Variants in CARD8 observed in about 807,000 individuals in gnomAD.
CARD8 encodes caspase recruitment domain family member 8.
A neutral mutation model predicts 53.2 loss-of-function variants in CARD8; 38 were observed. The ratio of observed to expected loss-of-function variants is 0.71; its 90% CI spans 0.55 to 0.94. The LOEUF (loss-of-function observed/expected upper bound fraction) is 0.94. CARD8 is among the 40% of genes least tolerant of loss of function. The pLI, the probability that CARD8 is intolerant of heterozygous loss-of-function variation, is 0.00. For synonymous variants in CARD8, 245 were observed against 244.9 expected (o/e 1.00, Z 0.00); for missense variants, 561 against 655.5 (o/e 0.86, Z 1.57).
At chr19:48,253,481 A>G (rs1448517761) in intron 1 of CARD8, among the ~76,000 whole-genome samples, 1 of 152,128 alleles carries the variant, frequency 6.6e-6, no homozygotes, top group East Asian at 1.9e-4. Flanking sequence ...TACCATATAC[A>G]TGGTTATTAA....
In CARD8 at chr19:48,238,530, T is replaced by G; in HGVS notation, c.62A>C (p.Asp21Ala). The change falls in exon 5 of 14, where the codon GAC (aspartate) becomes GCC (alanine). Residue 21 changes from aspartate to alanine, a missense_variant and splice_region_variant. Asp to Ala is a moderately radical substitution (Grantham distance 126). Transcript: ENST00000651546. ...SSSEEELPRR[D>A]SGSSRNIDAS... ...ATCTATGTTCCTACTGGATCCACTG[T>G]CCCTGGGAAAACACAAATGGAATTG... 1 of 1,536,204 alleles carries G rather than the reference T, an allele frequency of 6.5e-7. No homozygotes were observed. Among genetic ancestry groups the G allele is most frequent in the Non-Finnish European group, 8.7e-7 (1 of 1,146,890 alleles).
intron 12 of CARD8, among the ~76,000 whole-genome samples, chr19:48,217,303 GC>G (rs935813670): frequency 6.6e-6 from 1 of 152,088 alleles, no homozygotes. Context: ...TGACAATATT[GC>G]CCCAAACTAC....
intron 12 of CARD8, among the ~76,000 whole-genome samples, chr19:48,217,438 T>C (rs995605453): frequency 2.0e-5 from 3 of 152,242 alleles, no homozygotes; most frequent in African/African-American, 7.2e-5. Flanking sequence ...GTTTCATTTT[T>C]TTCCCACCAC....
At position 48,213,757 on chromosome 19, in the gene CARD8, C is replaced by G. The variant is rs376242349; in HGVS notation, c.1348+1583G>C. Among the ~76,000 whole-genome samples, 3 of 152,166 alleles carry G rather than the reference C, an allele frequency of 2.0e-5. No homozygotes were observed. In the South Asian group the frequency reaches 6.2e-4, roughly 32 times the overall value. ...TCCTTAACAGATCCTTGGCTGATAT[C>G]TGCTCTTCACTTTTACAACAGCCCC... On this transcript the variant is annotated intron_variant, in intron 13 of 13. Transcript: ENST00000651546.
At chr19:48,240,240 C>T (rs562415444) in intron 4 of CARD8, among the ~76,000 whole-genome samples, 1 of 152,298 alleles carries the variant, frequency 6.6e-6, no homozygotes, top group South Asian at 2.1e-4. Context: ...GCCACTGAAA[C>T]ACACAGAGGG....
rs868652263 is a variant in CARD8 at position 48,233,454 on chromosome 19, G to T, written c.350+949C>A. 33 of 455,536 alleles carry T rather than the reference G, an allele frequency of 7.2e-5. 1 individual carries two copies. In the Middle Eastern group the frequency reaches 0.01, roughly 139 times the overall value. The allele number at this position is 455,536 out of a possible 1,614,324, so 28.2% of individuals were successfully genotyped here. A position where few individuals can be genotyped will look rare whatever the true frequency, so the allele number is the denominator to read the frequency against. On this transcript the variant is annotated intron_variant, in intron 6 of 13. Transcript: ENST00000651546. ...GGCTTTACAGCGCTTTTCTCGGAAG[G>T]ATTCTGTGGGCAAGCCAAGCATGGA...
chr19:48,224,150 C>G (rs1008355389), intron 10 of CARD8, among the ~76,000 whole-genome samples: 1 of 152,072 alleles, frequency 6.6e-6, no homozygotes, highest in East Asian at 1.9e-4. Context: ...TTAGTAGAGA[C>G]GGAGTTTCAC....
In CARD8 at chr19:48,210,756, A is replaced by G. The variant is rs1288256626; in HGVS notation, c.*954T>C. On this transcript the variant is annotated 3_prime_UTR_variant, in exon 14 of 14. Transcript: ENST00000651546. ...AAGAGACTATCAGAATGGGTTCAAA[A>G]TACACCATAAAAAAAACTGACTCAA... The G allele has an allele frequency of 2.0e-5, 3 of 152,258 alleles. No individual in the cohort carries two copies. Among genetic ancestry groups the G allele is most frequent in the Non-Finnish European group, 1.5e-5 (1 of 68,040 alleles). The allele number at this position is 152,258 out of a possible 1,614,324, so 9.4% of individuals were successfully genotyped here. A position where few individuals can be genotyped will look rare whatever the true frequency, so the allele number is the denominator to read the frequency against.
chr19:48,230,171 C>A (rs2042578805), intron 10 of CARD8, among the ~76,000 whole-genome samples: 2 of 152,196 alleles, frequency 1.3e-5, no homozygotes, highest in South Asian at 4.2e-4. Context: ...GTCAGCTGGT[C>A]CCCCAAAATC....
chr19:48,205,324 G>A (rs1277225406), downstream of CARD8, among the ~76,000 whole-genome samples: 3 of 152,026 alleles, frequency 2.0e-5, no homozygotes, highest in Admixed American at 6.6e-5. Flanking sequence ...CTGCTTCCCG[G>A]GTTCAAGCGA....
At chr19:48,237,960 G>C (rs142184380) in intron 5 of CARD8, among the ~76,000 whole-genome samples, 1 of 151,514 alleles carries the variant, frequency 6.6e-6, no homozygotes, top group South Asian at 2.1e-4. Context: ...GCACGATCTC[G>C]GCTCACTGCA....
At chr19:48,220,959 AAGGAAGGAAGGAAGG>A (rs1568695886) in intron 11 of CARD8, among the ~76,000 whole-genome samples, 2 of 77,900 alleles carry the variant, frequency 2.6e-5, no homozygotes, top group African/African-American at 1.0e-4. Flanking sequence ...AAAGGAAAGG[AAGGAAGGAAGGAAGG>A]AAGGAAGGAA....
intron 12 of CARD8, among the ~76,000 whole-genome samples, chr19:48,217,618 A>AATGTT (rs3842415): frequency 0.78 from 118,523 of 151,766 alleles, 48,270 homozygotes; most frequent in South Asian, 0.91. Context: ...CTCCTATGCA[A>AATGTT]ATGTTAATAT....
At chr19:48,204,900 G>T (rs1015734859), downstream of CARD8, among the ~76,000 whole-genome samples, 6 of 152,304 alleles carry the variant, frequency 3.9e-5, no homozygotes, top group African/African-American at 1.4e-4. Flanking sequence ...GATTTAGGGG[G>T]AAAGCAATGG....
intron 12 of CARD8, among the ~76,000 whole-genome samples, chr19:48,215,636 C>T (rs530711099): frequency 6.6e-6 from 1 of 152,260 alleles, no homozygotes; most frequent in South Asian, 2.1e-4. Context: ...ATCTTAGGAA[C>T]TATGGGGCTA....
downstream of CARD8, chr19:48,204,357 TG>T (rs1346805182): frequency 2.8e-6 from 1 of 353,002 alleles, no homozygotes; most frequent in Non-Finnish European, 5.7e-6. Flanking sequence ...TAAGGGGAGT[TG>T]GGGTGATATT....
At chr19:48,223,226 C>T (rs2041043605) in intron 10 of CARD8, among the ~76,000 whole-genome samples, 1 of 151,694 alleles carries the variant, frequency 6.6e-6, no homozygotes, top group African/African-American at 2.4e-5. Flanking sequence ...ATCGCATGAA[C>T]CTGGGAGGCA....
intron 12 of CARD8, among the ~76,000 whole-genome samples, chr19:48,217,878 G>GATAAAACAT (rs1394899961): frequency 6.6e-6 from 1 of 152,170 alleles, no homozygotes; most frequent in Non-Finnish European, 1.5e-5. Context: ...TCTGTGAATG[G>GATAAAACAT]ATAAAACATT....
chr19:48,222,176 A>G (rs757748609), intron 10 of CARD8, among the ~76,000 whole-genome samples: 2 of 152,232 alleles, frequency 1.3e-5, no homozygotes, highest in Non-Finnish European at 2.9e-5. Flanking sequence ...TTGGCTGCGT[A>G]CTTATGAAAG....
Sources: gnomAD v4.1 joint callset for allele counts (sites outside exome capture counted in the v4.1 genomes callset) on GRCh38, gnomAD v4.1.1 for gene constraint, MANE v1.5 for transcripts, NCBI Gene and HGNC (gene_info 2026-07-23, HGNC 2026-07-21) for gene names.